The following TTC24 variants were observed in gnomAD, a reference collection of about 807,000 sequenced individuals.
The protein encoded by TTC24 is tetratricopeptide repeat protein 24.
A neutral mutation model predicts 63.3 loss-of-function variants in TTC24; 54 were observed. The observed-to-expected ratio is 0.85, with a 90% CI of 0.69 to 1.07. TTC24 has a LOEUF of 1.07. Ranked by LOEUF, TTC24 falls within the 50% of genes least tolerant of loss-of-function variation. The pLI is 0.00. For synonymous variants in TTC24, 276 were observed against 304.3 expected (o/e 0.91, Z 0.97); for missense variants, 680 against 730.5 (o/e 0.93, Z 0.80).
In TTC24 at chr1:156,581,984, G is replaced by C. The variant is rs1166917894; in HGVS notation, c.620G>C (p.Ser207Thr). The change falls in exon 2 of 11, where the codon AGT becomes ACT. Residue 207 changes from serine to threonine, a missense_variant. Transcript: ENST00000368236. ...LGAAAGCMLKSGRHRVGEVVQ... is the reference protein window; with the variant it reads ...LGAAAGCMLKTGRHRVGEVVQ... ...GCTGCGGCAGGATGTATGCTGAAGAGTGGGCGGCATCGGGTGGGGGAAGTT... is the reference window on the plus strand; with the variant it reads ...GCTGCGGCAGGATGTATGCTGAAGACTGGGCGGCATCGGGTGGGGGAAGTT... The C allele has an allele frequency of 6.6e-7, 1 of 1,516,114 alleles. No homozygotes were observed. The highest frequency in any genetic ancestry group is 2.5e-5 in the East Asian group (1 of 40,706). The allele number at this position is 1,516,114 out of a possible 1,614,324, so 93.9% of individuals were successfully genotyped here. A position where few individuals can be genotyped will look rare whatever the true frequency, so the allele number is the denominator to read the frequency against.
At chr1:156,584,623 T>C in intron 6 of TTC24, 1 of 371,166 alleles carries the variant, frequency 2.7e-6, no homozygotes, top group Non-Finnish European at 4.8e-6. Context: ...GACTTTACGG[T>C]ATCAGGCCCC....
chr1:156,585,843 C>T lies in TTC24; in HGVS notation c.1570+17C>T. 1 of 1,600,516 alleles carries T rather than the reference C, an allele frequency of 6.2e-7. No homozygotes were observed. The highest frequency in any genetic ancestry group is 8.6e-7 in the Non-Finnish European group (1 of 1,167,610). On this transcript the variant is annotated intron_variant, in intron 9 of 10. Coordinates refer to ENST00000368236, the MANE Select transcript of TTC24 (RefSeq NM_001105669.4). ...CCATCTATAGTGAGCAGTGCATCCC[C>T]TGACACCGCCCCAACTCGTGGTTCT...
intron 1 of TTC24, among the ~76,000 whole-genome samples, chr1:156,580,639 G>A (rs574329386): frequency 1.1e-4 from 16 of 151,946 alleles, no homozygotes; most frequent in African/African-American, 2.2e-4. Flanking sequence ...CACCACGCCC[G>A]GCTAATTTTT....
At chr1:156,580,623 G>A (rs1396799778) in intron 1 of TTC24, among the ~76,000 whole-genome samples, 4 of 152,098 alleles carry the variant, frequency 2.6e-5, no homozygotes, top group African/African-American at 7.2e-5. Context: ...GATTACAGGC[G>A]CCCGCCACCA....
Position 156,582,000 on chromosome 1 carries a change from G to T in TTC24, c.636G>T (p.Val212=), listed in dbSNP as rs1380237966. The T allele has an allele frequency of 6.7e-6, 10 of 1,502,356 alleles. No homozygotes were observed. Among genetic ancestry groups the T allele is most frequent in the Non-Finnish European group, 4.4e-6 (5 of 1,128,052 alleles). 93.1% of individuals were successfully genotyped at this position (1,502,356 alleles called of 1,614,324 possible). A position where few individuals can be genotyped will look rare whatever the true frequency, so the allele number is the denominator to read the frequency against. ...TGCTGAAGAGTGGGCGGCATCGGGT[G>T]GGGGAAGTTGTGCAGGTGCTGGAGA... The part of the protein sequence containing the change: ...GCMLKSGRHR[V]GEVVQVLEKS... Residue 212 remains valine, a synonymous_variant, in exon 2 of 11, where the codon GTG becomes GTT. Transcript: ENST00000368236.
At position 156,581,930 on chromosome 1, in the gene TTC24, A is replaced by G. The variant is rs1677008794; in HGVS notation, c.566A>G (p.Gln189Arg). The G allele has an allele frequency of 6.5e-7, 1 of 1,543,670 alleles. No individual in the cohort carries two copies. Among genetic ancestry groups the G allele is most frequent in the Non-Finnish European group, 8.7e-7 (1 of 1,144,246 alleles). The change falls in exon 2 of 11, where the codon CAG (glutamine) becomes CGG (arginine). Residue 189 changes from glutamine (Q) to arginine (R), a missense_variant. By Grantham distance (43) the Gln-to-Arg change is conservative. Coordinates refer to ENST00000368236, the MANE Select transcript of TTC24 (RefSeq NM_001105669.4). ...AGCCAGGCCTATGCTCAAGAGAGACAGCTGCGGGCCGCAGCCCTGGCACTG... is the reference window on the plus strand; with the variant it reads ...AGCCAGGCCTATGCTCAAGAGAGACGGCTGCGGGCCGCAGCCCTGGCACTG... Reference protein sequence around the residue: ...EASQAYAQERQLRAAALALGA... With the variant: ...EASQAYAQERRLRAAALALGA...
chr1:156,586,426 C>T lies in TTC24; in HGVS notation c.1668-43C>T, dbSNP rs767552726. The T allele has an allele frequency of 3.2e-6, 5 of 1,557,498 alleles. No homozygotes were observed. In the South Asian group the frequency reaches 3.5e-5, roughly 11 times the overall value. On this transcript the variant is annotated intron_variant, in intron 10 of 10. Coordinates refer to ENST00000368236, the MANE Select transcript of TTC24 (RefSeq NM_001105669.4). The stretch of plus-strand genomic sequence containing the variant: ...CAAGGCAGGCTGCCTCCTGCTGTCT[C>T]CCCAGTCACCCCCACTGGCAAGCCC...
intron 3 of TTC24, 67 bp from the exon 4 acceptor site, chr1:156,582,975 G>A: frequency 6.4e-7 from 1 of 1,552,700 alleles, no homozygotes; most frequent in Non-Finnish European, 8.7e-7. Flanking sequence ...TTGGTTGCTG[G>A]AGGGTGGGGT....
rs756215707 is a variant in TTC24, at chr1:156,581,775, G to A, written c.411G>A (p.Leu137=). The A allele has an allele frequency of 2.6e-6, 4 of 1,551,688 alleles. No homozygotes were observed. The highest frequency in any genetic ancestry group is 1.2e-5 in the South Asian group (1 of 84,064). Residue 137 remains leucine (L), a synonymous_variant, in exon 2 of 11, where the codon TTG becomes TTA. Coordinates refer to ENST00000368236, the MANE Select transcript of TTC24 (RefSeq NM_001105669.4). ...YHALGELPQA[L]AWYHRALGHY... ...CCCTCGGCGAGCTGCCTCAAGCTTT[G>A]GCCTGGTACCACAGGGCCCTGGGCC...
At position 156,582,410 on chromosome 1, in the gene TTC24, C is replaced by T. The variant is rs1002648030; in HGVS notation, c.886C>T (p.His296Tyr). 6.2e-7 allele frequency: 1 copy of T among 1,613,884 alleles called. No individual in the cohort carries two copies. The highest frequency in any genetic ancestry group is 1.7e-5 in the Admixed American group (1 of 60,014). The change falls in exon 3 of 11, where the codon CAC (histidine) becomes TAC (tyrosine). Residue 296 changes from histidine to tyrosine, a missense_variant. Transcript: ENST00000368236. The part of the protein sequence containing the change: ...LGNYQEAREF[H>Y]QKAADLHGSV... ...CAACTATCAGGAAGCTCGGGAGTTT[C>T]ACCAGAAGGCTGCTGACCTACACGG...
chr1:156,585,184 A>G lies in TTC24; in HGVS notation c.1409A>G (p.Glu470Gly). The change falls in exon 8 of 11, where the codon GAG becomes GGG. Residue 470 changes from glutamate to glycine, a missense_variant. Transcript: ENST00000368236. ...FEEGHQKKKE[E>G]RSANVPVRAG... ...GAGGGCCACCAGAAGAAAAAAGAGGAGAGGTCGGCAAACGTTCCGGTGAGG... is the reference window on the plus strand; with the variant it reads ...GAGGGCCACCAGAAGAAAAAAGAGGGGAGGTCGGCAAACGTTCCGGTGAGG... The G allele has an allele frequency of 6.2e-7, 1 of 1,613,414 alleles. No individual in the cohort carries two copies. Among genetic ancestry groups the G allele is most frequent in the Non-Finnish European group, 8.5e-7 (1 of 1,179,684 alleles).
Position 156,582,296 on chromosome 1 carries a change from G to A in TTC24, c.772G>A (p.Ala258Thr). Residue 258 changes from alanine to threonine, a missense_variant, in exon 3 of 11, where the codon GCC (alanine) becomes ACC (threonine). Coordinates refer to ENST00000368236, the MANE Select transcript of TTC24 (RefSeq NM_001105669.4). ...CCAGCTGTTCCCGCTGGCCGTGGAG[G>A]CCTTCCTGCAGGCCCTGCCCCTGTG... ...QLQLFPLAVEAFLQALPLCWV... is the reference protein window; with the variant it reads ...QLQLFPLAVETFLQALPLCWV... 3 of 1,575,638 alleles carry A rather than the reference G, an allele frequency of 1.9e-6. No homozygotes were observed. The highest frequency in any genetic ancestry group is 2.6e-6 in the Non-Finnish European group (3 of 1,161,440).
Position 156,582,245 on chromosome 1 carries a change from G to T in TTC24, c.721G>T (p.Asp241Tyr), listed in dbSNP as rs142325248. 3 of 1,551,852 alleles carry T rather than the reference G, an allele frequency of 1.9e-6. No individual in the cohort carries two copies. The highest frequency in any genetic ancestry group is 1.2e-5 in the South Asian group (1 of 84,054). The change falls in exon 3 of 11, where the codon GAT becomes TAT. Residue 241 changes from aspartate (D) to tyrosine (Y), a missense_variant. Transcript: ENST00000368236. ...ERRLLGHLYN[D>Y]LGLGYSQLQL... ...ATTCCCTCTAGGGCACCTCTATAAC[G>T]ATCTAGGCCTGGGCTACTCCCAGCT...
Position 156,587,130 on chromosome 1 carries a change from C to T in TTC24, c.*580C>T, listed in dbSNP as rs1032465597. Among the ~76,000 whole-genome samples the T allele has an allele frequency of 1.4e-5, 2 of 138,628 alleles. No homozygotes were observed. Among genetic ancestry groups the T allele is most frequent in the African/African-American group, 5.3e-5 (2 of 37,914 alleles). The allele number at this position is 138,628 out of a possible 152,430, so 90.9% of individuals were successfully genotyped here. On this transcript the variant is annotated 3_prime_UTR_variant, in exon 11 of 11. Transcript: ENST00000368236. Reference sequence around the variant, plus strand: ...CCCACCCTATTCTAGGTGCTTAGCTCAGGCCCCACCCTATTCTAGGTGCTT... The same window carrying T: ...CCCACCCTATTCTAGGTGCTTAGCTTAGGCCCCACCCTATTCTAGGTGCTT...
At position 156,582,053 on chromosome 1, in the gene TTC24, C is replaced by A. The variant is rs901774169; in HGVS notation, c.689C>A (p.Thr230Asn). ...AGCCGGAGGCTTGCCGAGAGGAGCA[C>A]TGAGAGGCGACTGCTGGGTGAGACC... ...EKSRRLAERS[T>N]ERRLLGHLYN... Residue 230 changes from threonine (T) to asparagine (N), a missense_variant, in exon 2 of 11, where the codon ACT becomes AAT. By Grantham distance (65) the Thr-to-Asn change is moderately conservative. Coordinates refer to ENST00000368236, the MANE Select transcript of TTC24 (RefSeq NM_001105669.4). The A allele has an allele frequency of 1.6e-5, 23 of 1,472,602 alleles. No individual in the cohort carries two copies. The highest frequency in any genetic ancestry group is 3.6e-4 in the Middle Eastern group (2 of 5,606). The allele number at this position is 1,472,602 out of a possible 1,614,324, so 91.2% of individuals were successfully genotyped here. A position where few individuals can be genotyped will look rare whatever the true frequency, so the allele number is the denominator to read the frequency against.
chr1:156,584,993 C>T lies in TTC24; in HGVS notation c.1349+19C>T, dbSNP rs758801889. ...AGCACAGGTGAGGGTGGGAATGGTGCAGCAGAGATGCATGCGCCCTCTGCA... is the reference window on the plus strand; with the variant it reads ...AGCACAGGTGAGGGTGGGAATGGTGTAGCAGAGATGCATGCGCCCTCTGCA... On this transcript the variant is annotated intron_variant, in intron 7 of 10. Transcript: ENST00000368236. 17 of 1,571,132 alleles carry T rather than the reference C, an allele frequency of 1.1e-5. No homozygotes were observed. In the South Asian group the frequency reaches 2.0e-4, roughly 18 times the overall value.
rs1431922684 is a variant in TTC24, at chr1:156,587,619, T to C, written c.*1069T>C. Among the ~76,000 whole-genome samples, 2 of 152,162 alleles carry C rather than the reference T, an allele frequency of 1.3e-5. No homozygotes were observed. Among genetic ancestry groups the C allele is most frequent in the African/African-American group, 4.8e-5 (2 of 41,440 alleles). On this transcript the variant is annotated 3_prime_UTR_variant, in exon 11 of 11. Transcript: ENST00000368236. ...GCGAGGCCAAGGTGGGAGGATTGCT[T>C]GAGCCCAGGAGTTTGAGACCACCCT...
Position 156,585,154 on chromosome 1 carries a change from T to C in TTC24, c.1379T>C (p.Phe460Ser). 6.2e-7 allele frequency: 1 copy of C among 1,613,262 alleles called. No homozygotes were observed. Among genetic ancestry groups the C allele is most frequent in the Non-Finnish European group, 8.5e-7 (1 of 1,179,612 alleles). ...TCCAGTGGGTGGGAAGATGAAGAGT[T>C]TGAGGAGGGCCACCAGAAGAAAAAA... is the stretch of plus-strand genomic sequence containing the variant. The part of the protein sequence containing the change: ...RSSSGWEDEE[F>S]EEGHQKKKEE... Residue 460 changes from phenylalanine (F) to serine (S), a missense_variant, in exon 8 of 11, where the codon TTT becomes TCT. Transcript: ENST00000368236.
rs760094089 is a variant in TTC24, at chr1:156,583,046, T to C, written c.915T>C (p.Ser305=). The change falls in exon 4 of 11, where the codon TCT becomes TCC. Residue 305 remains serine (S), a synonymous_variant. Transcript: ENST00000368236. This position sits in a 1 kb window ranked among gnomAD's most constrained non-coding sequence, Gnocchi z 4.0. Reference sequence around the variant, plus strand: ...TGGGGTGGGCTCTGTCCTCAGGCTCTGTGGGGCAGCGGTGGGAGCAGGGCC... The same window carrying C: ...TGGGGTGGGCTCTGTCCTCAGGCTCCGTGGGGCAGCGGTGGGAGCAGGGCC... ...FHQKAADLHG[S]VGQRWEQGRS... 1.2e-5 allele frequency: 20 copies of C among 1,611,654 alleles called. No homozygotes were observed. In the South Asian group the frequency reaches 2.1e-4, roughly 17 times the overall value.
Sources: allele counts gnomAD v4.1 joint callset (sites outside exome capture counted in the v4.1 genomes callset), GRCh38; gene constraint gnomAD v4.1.1; non-coding constraint Gnocchi (gnomAD v3.1); transcripts MANE v1.5; gene names NCBI Gene and HGNC (gene_info 2026-07-23, HGNC 2026-07-21).